Variants in APBB2 observed in about 807,000 individuals in gnomAD.
APBB2 encodes Fe65-like 1.
Under a neutral mutation model 82.5 loss-of-function variants are expected in APBB2, and 38 were observed. The observed-to-expected ratio is 0.46, with a 90% confidence interval of 0.36 to 0.60. The LOEUF is 0.60. Ranked by LOEUF, APBB2 falls within the 20% of genes least tolerant of loss-of-function variation. The probability of loss-of-function intolerance (pLI) is 0.00; values close to 1 mark genes in which losing one functional copy is unlikely to be tolerated. For synonymous variants in APBB2, 341 were observed against 368.2 expected, an observed-to-expected ratio of 0.93 and a Z score of 0.85; for missense variants, 772 against 972.3, an observed-to-expected ratio of 0.79 and a Z score of 2.74.
At chr4:41,060,824 G>C (rs1729553573) in intron 4 of APBB2, among the ~76,000 whole-genome samples, 1 of 152,120 alleles carries the variant, frequency 6.6e-6, no homozygotes. Context: ...AGGAGCAAAG[G>C]CACGTGACCC....
intron 2 of APBB2, among the ~76,000 whole-genome samples, chr4:41,113,547 GTC>G (rs1249410332): frequency 6.6e-6 from 1 of 152,094 alleles, no homozygotes; most frequent in Non-Finnish European, 1.5e-5. Context: ...AAGTCAAATT[GTC>G]TCTGTTTGCA....
intron 12 of APBB2, chr4:40,881,377 ACT>A (rs1481760439): frequency 3.0e-6 from 3 of 985,100 alleles, no homozygotes; most frequent in Non-Finnish European, 3.6e-6. Flanking sequence ...TCATCAGGAA[ACT>A]CTACTTCTTC....
intron 7 of APBB2, among the ~76,000 whole-genome samples, chr4:40,940,642 G>A (rs937978547): frequency 6.6e-6 from 1 of 152,186 alleles, no homozygotes; most frequent in African/African-American, 2.4e-5. Flanking sequence ...CATGACGCCC[G>A]TGAGGCTGTG....
At chr4:41,094,157 C>A (rs1742718799) in intron 3 of APBB2, among the ~76,000 whole-genome samples, 1 of 152,116 alleles carries the variant, frequency 6.6e-6, no homozygotes, top group Non-Finnish European at 1.5e-5. Context: ...TGACCATTGG[C>A]CCAAGGGGCT....
At chr4:41,121,143 T>C (rs762408210) in intron 2 of APBB2, among the ~76,000 whole-genome samples, 4 of 152,264 alleles carry the variant, frequency 2.6e-5, no homozygotes, top group Non-Finnish European at 5.9e-5. Flanking sequence ...GTAACCAGAA[T>C]AGCCAAAACT....
intron 12 of APBB2, among the ~76,000 whole-genome samples, chr4:40,869,593 A>T (rs1693526591): frequency 6.6e-6 from 1 of 151,948 alleles, no homozygotes; most frequent in South Asian, 2.1e-4. Context: ...GTCTCCAAAG[A>T]AAAAAAATAA....
chr4:41,048,181 A>G (rs1560609470), intron 4 of APBB2, among the ~76,000 whole-genome samples: 1 of 152,224 alleles, frequency 6.6e-6, no homozygotes, highest in Non-Finnish European at 1.5e-5. Flanking sequence ...CTGAAATCCA[A>G]AAGGCTCCAA....
rs973673409 is a variant in APBB2, at chr4:40,993,154, C to A, written c.835+20429G>T. ...CCCACAAGGCAGAGACTATTATTAA[C>A]CCTATTTGACAGAGGAGGAAACGTA... On this transcript the variant is annotated intron_variant, in intron 6 of 17. Transcript: ENST00000508593. Among the ~76,000 whole-genome samples the A allele has an allele frequency of 8.2e-4, 125 of 152,270 alleles. 1 individual carries two copies. Among genetic ancestry groups the A allele is most frequent in the Non-Finnish European group, 5.7e-4 (39 of 68,014 alleles).
rs79166616 is a variant in APBB2 at position 40,835,933 on chromosome 4, C to T, written c.1530-5356G>A. Among the ~76,000 whole-genome samples, 314 of 152,216 alleles carry T rather than the reference C, an allele frequency of 2.1e-3. 1 individual carries two copies. The highest frequency in any genetic ancestry group is 7.1e-3 in the African/African-American group (294 of 41,536). On this transcript the variant is annotated intron_variant, in intron 12 of 17. Transcript: ENST00000508593. ...AGGCGATTAAGAATAACTCTGGGGT[C>T]CCTGCTAGGACAGCTAAGCACCCCA...
At chr4:40,922,508 T>C (rs1202700126) in intron 10 of APBB2, among the ~76,000 whole-genome samples, 3 of 136,628 alleles carry the variant, frequency 2.2e-5, no homozygotes, top group East Asian at 1.9e-4. Flanking sequence ...TTGATCTTTG[T>C]GACTTAGCTA....
chr4:41,115,311 C>T (rs1321495153), intron 2 of APBB2, among the ~76,000 whole-genome samples: 1 of 152,122 alleles, frequency 6.6e-6, no homozygotes, highest in African/African-American at 2.4e-5. Context: ...ACAACTTATA[C>T]AAAAATTAAC....
chr4:40,818,680 G>T (rs1166217240), intron 17 of APBB2, among the ~76,000 whole-genome samples: 1 of 152,128 alleles, frequency 6.6e-6, no homozygotes, highest in Admixed American at 6.5e-5. Context: ...CATATTCAGG[G>T]TGTCTGAGTT....
At chr4:41,140,349 T>G (rs572586488) in intron 2 of APBB2, among the ~76,000 whole-genome samples, 1 of 152,260 alleles carries the variant, frequency 6.6e-6, no homozygotes. Flanking sequence ...TCCCTTCTTT[T>G]AGACTCAAAA....
At chr4:40,855,320 AGCACATGG>A (rs1479790072) in intron 12 of APBB2, among the ~76,000 whole-genome samples, 17 of 152,382 alleles carry the variant, frequency 1.1e-4, no homozygotes, top group Non-Finnish European at 2.4e-4. Flanking sequence ...ACCAATGCCC[AGCACATGG>A]CAAGTGTCCA....
At chr4:41,167,628 T>C (rs1560937022) in intron 1 of APBB2, among the ~76,000 whole-genome samples, 1 of 152,188 alleles carries the variant, frequency 6.6e-6, no homozygotes. Flanking sequence ...CTCCTCAGCA[T>C]TGTATGGAAG....
At chr4:40,864,786 G>T (rs540905397) in intron 12 of APBB2, among the ~76,000 whole-genome samples, 1 of 151,492 alleles carries the variant, frequency 6.6e-6, no homozygotes, top group Non-Finnish European at 1.5e-5. Flanking sequence ...AGGGTGTAGC[G>T]AGGGTGAGCA....
At chr4:40,829,116 T>C (rs1292604316) in intron 13 of APBB2, among the ~76,000 whole-genome samples, 1 of 152,214 alleles carries the variant, frequency 6.6e-6, no homozygotes, top group Non-Finnish European at 1.5e-5. Context: ...AAAAGAAGCT[T>C]GTGCCAGTGT....
chr4:41,082,572 T>C (rs1481312603), intron 3 of APBB2, among the ~76,000 whole-genome samples: 2 of 146,484 alleles, frequency 1.4e-5, no homozygotes, highest in Non-Finnish European at 3.0e-5. Flanking sequence ...TGTTTCTTTT[T>C]TTTTTTTTTT....
chr4:41,173,512 G>A (rs1310686074), intron 1 of APBB2, among the ~76,000 whole-genome samples: 1 of 152,162 alleles, frequency 6.6e-6, no homozygotes, highest in African/African-American at 2.4e-5. Context: ...GTACCTGGCT[G>A]TAAAAAATGT....
Sources: allele counts gnomAD v4.1 joint callset (sites outside exome capture counted in the v4.1 genomes callset), GRCh38; gene constraint gnomAD v4.1.1; transcripts MANE v1.5; gene names NCBI Gene and HGNC (gene_info 2026-07-23, HGNC 2026-07-21).